Variants in APBA2 observed in about 807,000 individuals in gnomAD.
APBA2 encodes amyloid beta precursor protein binding family A member 2.
APBA2 carries 30 observed loss-of-function variants against 75.0 expected under a neutral mutation model. That is an observed-to-expected ratio of 0.40 (90% CI 0.30 to 0.54). APBA2 has a LOEUF of 0.54. APBA2 is among the 20% of genes least tolerant of loss of function. The pLI is 0.49. For synonymous variants in APBA2, 444 were observed against 409.6 expected (o/e 1.08, Z -1.01); for missense variants, 801 against 1,016.1 (o/e 0.79, Z 2.88).
chr15:28,965,874 A>G (rs1206900691), intron 2 of APBA2, among the ~76,000 whole-genome samples: 2 of 152,180 alleles, frequency 1.3e-5, no homozygotes, highest in Non-Finnish European at 2.9e-5. Flanking sequence ...TCTGAGCTGC[A>G]TCCTACCAAC....
intron 3 of APBA2, among the ~76,000 whole-genome samples, chr15:29,051,673 G>A (rs930609607): frequency 6.6e-6 from 1 of 152,152 alleles, no homozygotes; most frequent in Non-Finnish European, 1.5e-5. Context: ...AACAAGATGT[G>A]TTTTGGGCAC....
At chr15:29,075,729 G>A (rs2042820669) in intron 5 of APBA2, among the ~76,000 whole-genome samples, 1 of 152,152 alleles carries the variant, frequency 6.6e-6, no homozygotes, top group Non-Finnish European at 1.5e-5. Context: ...CCTTTATCTT[G>A]CTTTTAAAGA....
intron 6 of APBA2, among the ~76,000 whole-genome samples, chr15:29,079,461 C>G (rs911479617): frequency 3.3e-5 from 5 of 152,168 alleles, no homozygotes; most frequent in Non-Finnish European, 7.3e-5. Flanking sequence ...ACCCAGAAGC[C>G]TCTTCGACAC....
intron 11 of APBA2, among the ~76,000 whole-genome samples, chr15:29,105,792 C>T (rs1256755860): frequency 3.9e-5 from 6 of 152,156 alleles, no homozygotes; most frequent in South Asian, 2.1e-4. Flanking sequence ...CTCGAAAATG[C>T]GCCTTTTAAT....
chr15:29,020,248 A>C (rs191071734), intron 3 of APBA2, among the ~76,000 whole-genome samples: 1 of 143,190 alleles, frequency 7.0e-6, no homozygotes, highest in African/African-American at 2.6e-5. Flanking sequence ...TACTTCGACT[A>C]TTTTCTTCCA....
chr15:29,093,951 G>A (rs1435749200), intron 7 of APBA2, among the ~76,000 whole-genome samples: 1 of 152,244 alleles, frequency 6.6e-6, no homozygotes, highest in African/African-American at 2.4e-5. Context: ...GTGCCTCTCA[G>A]CAGAGGCCCG....
chr15:28,964,005 C>CTA (rs1258702849), intron 2 of APBA2, among the ~76,000 whole-genome samples: 5 of 152,280 alleles, frequency 3.3e-5, no homozygotes, highest in African/African-American at 1.2e-4. Context: ...CTCATGCTAC[C>CTA]CCATTGTAGC....
chr15:28,914,988 A>C (rs1203657379), intron 1 of APBA2, among the ~76,000 whole-genome samples: 11 of 147,482 alleles, frequency 7.5e-5, no homozygotes, highest in African/African-American at 2.5e-4. Context: ...CATACACGCC[A>C]CACACATATC....
intron 6 of APBA2, among the ~76,000 whole-genome samples, chr15:29,087,981 C>G (rs1400828754): frequency 6.6e-6 from 1 of 152,228 alleles, no homozygotes; most frequent in Non-Finnish European, 1.5e-5. Flanking sequence ...CCACACCACC[C>G]CGCTCTACCT....
intron 2 of APBA2, among the ~76,000 whole-genome samples, chr15:28,983,854 T>C (rs187069811): frequency 2.4e-4 from 36 of 152,298 alleles, no homozygotes; most frequent in Admixed American, 2.2e-3. Context: ...AGTAGATTAA[T>C]GGGATTTGTG....
intron 13 of APBA2, among the ~76,000 whole-genome samples, chr15:29,109,090 C>A (rs867831633): frequency 3.3e-5 from 5 of 152,296 alleles, no homozygotes; most frequent in South Asian, 4.1e-4. Context: ...GCTGGCAATA[C>A]CCAAATTGTT....
At chr15:29,041,102 A>T (rs146893853) in intron 3 of APBA2, among the ~76,000 whole-genome samples, 1 of 152,366 alleles carries the variant, frequency 6.6e-6, no homozygotes, top group South Asian at 2.1e-4. Flanking sequence ...AAGCAAATGT[A>T]TATGACAGAA....
chr15:29,111,970 C>A (rs753379028), intron 13 of APBA2, among the ~76,000 whole-genome samples: 33 of 152,188 alleles, frequency 2.2e-4, no homozygotes, highest in Non-Finnish European at 3.2e-4. Flanking sequence ...CTGGCCTCTA[C>A]TTTCAGGAGC....
At chr15:28,966,854 T>A (rs1454931310) in intron 2 of APBA2, among the ~76,000 whole-genome samples, 3 of 152,220 alleles carry the variant, frequency 2.0e-5, no homozygotes, top group African/African-American at 7.2e-5. Flanking sequence ...TTATGATTGC[T>A]GTAAATATTA....
intron 2 of APBA2, chr15:28,977,258 C>CGG (rs1418474356): frequency 2.6e-5 from 4 of 152,014 alleles, no homozygotes; most frequent in African/African-American, 9.7e-5. Context: ...GCTCTCACAT[C>CGG]GGGGAGAGAG....
At chr15:29,017,183 G>T (rs1043736181) in intron 3 of APBA2, among the ~76,000 whole-genome samples, 2 of 152,038 alleles carry the variant, frequency 1.3e-5, no homozygotes, top group Non-Finnish European at 2.9e-5. Context: ...GCTGTGGTGG[G>T]AAGAGGGTCA....
At chr15:28,971,572 G>C (rs2037071406) in intron 2 of APBA2, among the ~76,000 whole-genome samples, 1 of 152,202 alleles carries the variant, frequency 6.6e-6, no homozygotes, top group African/African-American at 2.4e-5. Context: ...GGGAGAGTCT[G>C]CTCCTGGGAG....
At chr15:29,025,739 G>C (rs926501116) in intron 3 of APBA2, among the ~76,000 whole-genome samples, 5 of 151,852 alleles carry the variant, frequency 3.3e-5, no homozygotes, top group African/African-American at 9.7e-5. Flanking sequence ...ATCACCTGAG[G>C]TCAGGAGTTC....
chr15:29,093,024 G>C (rs777823384), intron 6 of APBA2, 51 bp from the exon 7 acceptor site: 1 of 1,612,276 alleles, frequency 6.2e-7, no homozygotes, highest in African/African-American at 1.3e-5. Context: ...CAAGTTCTTT[G>C]TTCAGGGGAC....
Sources: gnomAD v4.1 joint callset for allele counts (sites outside exome capture counted in the v4.1 genomes callset) on GRCh38, gnomAD v4.1.1 for gene constraint, MANE v1.5 for transcripts, NCBI Gene and HGNC (gene_info 2026-07-23, HGNC 2026-07-21) for gene names.